TENM3: variants seen among roughly 807,000 people sequenced by gnomAD.
TENM3 encodes the protein teneurin transmembrane protein 3, also known as teneurin-3.
Under a neutral mutation model 255.1 loss-of-function variants are expected in TENM3, and 63 were observed. The ratio of observed to expected loss-of-function variants is 0.25; its 90% confidence interval spans 0.20 to 0.30. The LOEUF is 0.30. Among genes scored for constraint, TENM3 ranks in the 10% least tolerant of loss-of-function variants. The pLI is 1.00. For synonymous variants in TENM3, 1,306 were observed against 1,322.3 expected, an observed-to-expected ratio of 0.99 and a Z score of 0.27; for missense variants, 2,929 against 3,461.1, an observed-to-expected ratio of 0.85 and a Z score of 3.86.
chr4:182,162,022 A>G (rs753987149), intron 1 of TENM3, among the ~76,000 whole-genome samples: 2 of 123,682 alleles, frequency 1.6e-5, no homozygotes, highest in Non-Finnish European at 3.5e-5. Flanking sequence ...CCACTAATGT[A>G]TTAGTCGGTT....
chr4:181,778,815 G>A, the TENM3 span, among the ~76,000 whole-genome samples: 1 of 152,108 alleles, frequency 6.6e-6, no homozygotes, highest in Non-Finnish European at 1.5e-5. Flanking sequence ...TTGTCCAAGA[G>A]TTCCTTACTG....
the TENM3 span, among the ~76,000 whole-genome samples, chr4:181,749,781 T>G: frequency 0.011 from 1,605 of 152,266 alleles, 29 homozygotes; most frequent in African/African-American, 0.037. Flanking sequence ...TGCCCGTTAT[T>G]ATCAAATTTG....
intron 3 of TENM3, among the ~76,000 whole-genome samples, chr4:182,544,796 G>A (rs1741264225): frequency 6.6e-6 from 1 of 152,178 alleles, no homozygotes; most frequent in African/African-American, 2.4e-5. Flanking sequence ...GAAAGTTAGG[G>A]ACTTGGAGTC....
chr4:182,459,672 C>G (rs555098664), intron 3 of TENM3, among the ~76,000 whole-genome samples: 2 of 151,930 alleles, frequency 1.3e-5, no homozygotes, highest in African/African-American at 4.8e-5. Context: ...ATAGGAGATT[C>G]AAAGTACAAA....
At position 182,469,652 on chromosome 4, in the gene TENM3, T is replaced by G. The variant is rs188795378; in HGVS notation, c.511+122723T>G. Among the ~76,000 whole-genome samples the G allele has an allele frequency of 1.9e-4, 28 of 150,670 alleles. No homozygotes were observed. In the East Asian group the frequency reaches 4.9e-3, roughly 26 times the overall value. On this transcript the variant is annotated intron_variant, in intron 3 of 27. Transcript: ENST00000511685. ...TTGCTTGAACCTGGGAGGCGGAGGT[T>G]GCAGTGAGCAGAGATCATGCCACTG...
Position 182,210,073 on chromosome 4 carries a change from C to G in TENM3, c.-76+65319C>G, listed in dbSNP as rs188676712. 5.4e-3 allele frequency among the ~76,000 whole-genome samples: 821 copies of G among 152,292 alleles called. 2 individuals are homozygous for G. Among genetic ancestry groups the G allele is most frequent in the Middle Eastern group, 0.02 (6 of 294 alleles). ...TGAATCCTGTTTCATCTAGGTTTCT[C>G]TTTCCCTCTCCCTCCTGCCAAATGA... On this transcript the variant is annotated intron_variant, in intron 1 of 2. Coordinates refer to the TENM3 transcript ENST00000512480.
chr4:182,419,400 G>A (rs1374023398), intron 3 of TENM3, among the ~76,000 whole-genome samples: 1 of 152,136 alleles, frequency 6.6e-6, no homozygotes, highest in Non-Finnish European at 1.5e-5. Flanking sequence ...GGAGAAATAG[G>A]AACGCTTTTA....
chr4:181,833,092 G>T, the TENM3 span, among the ~76,000 whole-genome samples: 1 of 152,150 alleles, frequency 6.6e-6, no homozygotes, highest in African/African-American at 2.4e-5. Context: ...AGGTCTGAAA[G>T]AACTGAGAAT....
chr4:182,021,768 A>G, the TENM3 span, among the ~76,000 whole-genome samples: 1 of 152,186 alleles, frequency 6.6e-6, no homozygotes, highest in Admixed American at 6.5e-5. Context: ...AGGAAAATGT[A>G]ATATCAAAGT....
Position 182,163,163 on chromosome 4 carries a change from G to T in TENM3, c.-76+18409G>T, listed in dbSNP as rs185248318. 1.9e-4 allele frequency among the ~76,000 whole-genome samples: 29 copies of T among 152,086 alleles called. No individual in the cohort carries two copies. The East Asian group carries it at 4.3e-3, about 22-fold the overall frequency. ...TTGCCCCTCCTTTCCATCCTCACTG[G>T]CAGTTTCCTCTCTAGGGCTCTCATC... On this transcript the variant is annotated intron_variant, in intron 1 of 2. Transcript: ENST00000512480.
the TENM3 span, among the ~76,000 whole-genome samples, chr4:182,017,143 C>G: frequency 6.6e-6 from 1 of 152,378 alleles, no homozygotes; most frequent in South Asian, 2.1e-4. Flanking sequence ...TCCCTGCTAG[C>G]TGGTCCTGCT....
chr4:181,794,341 T>C, the TENM3 span, among the ~76,000 whole-genome samples: 1 of 151,882 alleles, frequency 6.6e-6, no homozygotes, highest in Non-Finnish European at 1.5e-5. Flanking sequence ...AAGTGTGCAA[T>C]AGACTATTAT....
At chr4:182,025,088 G>A in the TENM3 span, among the ~76,000 whole-genome samples, 1 of 148,586 alleles carries the variant, frequency 6.7e-6, no homozygotes, top group African/African-American at 2.5e-5. Context: ...GAGTGCAGTG[G>A]CGCGACCTCG....
At chr4:181,815,621 T>C in the TENM3 span, among the ~76,000 whole-genome samples, 2 of 152,074 alleles carry the variant, frequency 1.3e-5, no homozygotes, top group Non-Finnish European at 2.9e-5. Context: ...TTGAAAGTCT[T>C]GATGGTGCTG....
intron 1 of TENM3, among the ~76,000 whole-genome samples, chr4:182,260,979 G>GCC (rs1758745825): frequency 6.6e-6 from 1 of 152,022 alleles, no homozygotes; most frequent in Non-Finnish European, 1.5e-5. Flanking sequence ...GGGTTCAGTT[G>GCC]ATTCTCCTGC....
At chr4:182,052,009 C>T in the TENM3 span, among the ~76,000 whole-genome samples, 1 of 152,074 alleles carries the variant, frequency 6.6e-6, no homozygotes, top group Non-Finnish European at 1.5e-5. Flanking sequence ...TCCCTTGTCA[C>T]CGCCTGGGGA....
At chr4:182,718,812 T>A (rs1478612425) in intron 13 of TENM3, among the ~76,000 whole-genome samples, 1 of 152,198 alleles carries the variant, frequency 6.6e-6, no homozygotes, top group Non-Finnish European at 1.5e-5. Context: ...TTTAGCCTGC[T>A]GCGAAGACTC....
At chr4:181,848,672 T>A in the TENM3 span, among the ~76,000 whole-genome samples, 2,575 of 152,242 alleles carry the variant, frequency 0.017, 42 homozygotes, top group Middle Eastern at 0.048. Flanking sequence ...TGGTGGTAAG[T>A]GTAATAATAT....
intron 3 of TENM3, among the ~76,000 whole-genome samples, chr4:182,437,478 G>A (rs536335675): frequency 8.6e-5 from 9 of 104,630 alleles, no homozygotes; most frequent in Non-Finnish European, 1.3e-4. Flanking sequence ...GCAAAACCTT[G>A]TCTCTACAAA....
Sources: allele counts gnomAD v4.1 joint callset (sites outside exome capture counted in the v4.1 genomes callset), GRCh38; gene constraint gnomAD v4.1.1; transcripts MANE v1.5; gene names NCBI Gene and HGNC (gene_info 2026-07-23, HGNC 2026-07-21).